Variants in ISG20 observed in about 807,000 individuals in gnomAD.
ISG20 encodes the protein interferon stimulated exonuclease gene 20, also known as interferon-stimulated gene 20 kDa protein.
ISG20 carries 8 observed loss-of-function variants against 11.1 expected under a neutral mutation model. The ratio of observed to expected loss-of-function variants is 0.72; its 90% CI spans 0.42 to 1.30. ISG20 has a LOEUF of 1.30. Among genes scored for constraint, ISG20 ranks in the 50% most tolerant of loss-of-function variants. ISG20 has a pLI of 0.01. For synonymous variants in ISG20, 110 were observed against 101.7 expected (o/e 1.08, Z -0.49); for missense variants, 243 against 250.2 (o/e 0.97, Z 0.19).
chr15:88,642,516 G>T (rs1364121927), intron 2 of ISG20, among the ~76,000 whole-genome samples: 4 of 152,226 alleles, frequency 2.6e-5, no homozygotes, highest in African/African-American at 9.6e-5. Context: ...ATGCTGTCCA[G>T]TGGGGTCCCC....
intron 3 of ISG20, among the ~76,000 whole-genome samples, chr15:88,654,109 G>A (rs1221160711): frequency 1.3e-5 from 2 of 152,104 alleles, no homozygotes; most frequent in East Asian, 1.9e-4. Context: ...TTCCAAATCC[G>A]GGGCTCTTTA....
Position 88,639,134 on chromosome 15 carries a change from C to A in ISG20, c.-25+58C>A. ...GGCAGCGGGAGGGGCCTTCCCGGTC[C>A]CCAGGCTGCGGGGCAGGCCAGAGGC... On this transcript the variant is annotated intron_variant, in intron 1 of 3. Coordinates refer to ENST00000306072, the MANE Select transcript of ISG20 (RefSeq NM_002201.6). This position sits in a 1 kb window ranked among gnomAD's most constrained non-coding sequence, Gnocchi z 4.2. 1.8e-6 allele frequency: 1 copy of A among 568,292 alleles called. No homozygotes were observed. Among genetic ancestry groups the A allele is most frequent in the Non-Finnish European group, 3.1e-6 (1 of 320,508 alleles). 35.2% of individuals were successfully genotyped at this position (568,292 alleles called of 1,614,324 possible).
At position 88,652,234 on chromosome 15, in the gene ISG20, G is replaced by A. The variant is rs549880749; in HGVS notation, c.353G>A (p.Arg118His). 1.5e-5 allele frequency: 25 copies of A among 1,613,870 alleles called. No homozygotes were observed. In the East Asian group the frequency reaches 1.8e-4, roughly 12 times the overall value. ...ACGTCCACTGACAGGCTGTTGTGGC[G>A]TGAGGCCAAGCTGGACCACTGCAGG... ...YDTSTDRLLW[R>H]EAKLDHCRRV... Residue 118 changes from arginine (R) to histidine (H), a missense_variant, in exon 3 of 4, where the codon CGT (arginine) becomes CAT (histidine). Coordinates refer to ENST00000306072, the MANE Select transcript of ISG20 (RefSeq NM_002201.6).
chr15:88,647,157 AG>A (rs2058190479), intron 2 of ISG20: 1 of 152,436 alleles, frequency 6.6e-6, no homozygotes, highest in South Asian at 2.1e-4. Context: ...CCAGCAATCA[AG>A]TAGCCCATGG....
chr15:88,652,011 TCA>T (rs1267284808), intron 2 of ISG20, 97 bp from the exon 3 acceptor site: 1 of 1,564,142 alleles, frequency 6.4e-7, no homozygotes, highest in African/African-American at 1.4e-5. Context: ...TTGCCCAAGG[TCA>T]CACAGCCAGT....
chr15:88,636,399 A>G (rs565954211), upstream of ISG20: 1 of 152,192 alleles, frequency 6.6e-6, no homozygotes, highest in Non-Finnish European at 1.5e-5. Context: ...CACTTGAAAA[A>G]CAGTTCAGCT....
rs1427125149 is a variant in ISG20, at chr15:88,643,271, T to G, written c.228+3677T>G. Among the ~76,000 whole-genome samples, 1 of 152,124 alleles carries G rather than the reference T, an allele frequency of 6.6e-6. No homozygotes were observed. Among genetic ancestry groups the G allele is most frequent in the Non-Finnish European group, 1.5e-5 (1 of 68,020 alleles). On this transcript the variant is annotated intron_variant, in intron 2 of 3. Coordinates refer to ENST00000306072, the MANE Select transcript of ISG20 (RefSeq NM_002201.6). This position sits in a 1 kb window ranked among gnomAD's most constrained non-coding sequence, Gnocchi z 4.4. The stretch of plus-strand genomic sequence containing the variant: ...ATAATTAAAATATTAAAAAGAGCCA[T>G]AAAATGTCTCAATAACTTTTATATT...
chr15:88,646,474 T>C (rs1282478502), intron 2 of ISG20, among the ~76,000 whole-genome samples: 1 of 152,166 alleles, frequency 6.6e-6, no homozygotes, highest in Non-Finnish European at 1.5e-5. Flanking sequence ...CCAATGTATG[T>C]AAGGGGCGAG....
In ISG20 at chr15:88,639,718, G is replaced by T. The variant is rs2058049374; in HGVS notation, c.228+124G>T. The stretch of plus-strand genomic sequence containing the variant: ...TTGTAAGATTTCCCACACTGCTGTT[G>T]GGAGAAAGCCGGTGGTGTCTCCATC... On this transcript the variant is annotated intron_variant, in intron 2 of 3. Coordinates refer to ENST00000306072, the MANE Select transcript of ISG20 (RefSeq NM_002201.6). This position sits in a 1 kb window ranked among gnomAD's most constrained non-coding sequence, Gnocchi z 4.2. 6.9e-6 allele frequency: 5 copies of T among 722,022 alleles called. No individual in the cohort carries two copies. The East Asian group carries it at 1.3e-4, about 19-fold the overall frequency. 44.7% of individuals were successfully genotyped at this position (722,022 alleles called of 1,614,324 possible).
rs1243819982 is a variant in ISG20, at chr15:88,643,914, T to C, written c.228+4320T>C. Among the ~76,000 whole-genome samples the C allele has an allele frequency of 1.3e-5, 2 of 152,222 alleles. No homozygotes were observed. Among genetic ancestry groups the C allele is most frequent in the Non-Finnish European group, 2.9e-5 (2 of 68,050 alleles). ...TTTGAAAATCTGAAATTTGAAATGTTCCAATGAGCATTTCCTTTGAGCGTC... is the reference window on the plus strand; with the variant it reads ...TTTGAAAATCTGAAATTTGAAATGTCCCAATGAGCATTTCCTTTGAGCGTC... On this transcript the variant is annotated intron_variant, in intron 2 of 3. Coordinates refer to ENST00000306072, the MANE Select transcript of ISG20 (RefSeq NM_002201.6). The surrounding 1 kb of genome is among the most constrained non-coding windows in gnomAD (Gnocchi z 4.4).
At chr15:88,655,330 T>G (rs2058356265) in intron 3 of ISG20, 85 bp from the exon 4 acceptor site, 1 of 1,244,658 alleles carries the variant, frequency 8.0e-7, no homozygotes, top group Non-Finnish European at 1.2e-6. Context: ...ACTCTGGAAA[T>G]CGGGATGTGA....
In ISG20 at chr15:88,650,343, G is replaced by A. The variant is rs1470706676; in HGVS notation, c.229-1767G>A. On this transcript the variant is annotated intron_variant, in intron 2 of 3. Transcript: ENST00000306072. The surrounding 1 kb of genome is among the most constrained non-coding windows in gnomAD (Gnocchi z 4.0). ...GTGGGAGGCGAGGCGAGGAACGCGGGGCTGGGGCAGTCACAGCTGGGCGCC... is the reference window on the plus strand; with the variant it reads ...GTGGGAGGCGAGGCGAGGAACGCGGAGCTGGGGCAGTCACAGCTGGGCGCC... 3.9e-6 allele frequency: 6 copies of A among 1,535,128 alleles called. No homozygotes were observed. In the East Asian group the frequency reaches 7.3e-5, roughly 19 times the overall value.
In ISG20 at chr15:88,643,063, A is replaced by T. The variant is rs1293090636; in HGVS notation, c.228+3469A>T. 2.0e-5 allele frequency among the ~76,000 whole-genome samples: 3 copies of T among 151,884 alleles called. No individual in the cohort carries two copies. Among genetic ancestry groups the T allele is most frequent in the African/African-American group, 7.3e-5 (3 of 41,320 alleles). On this transcript the variant is annotated intron_variant, in intron 2 of 3. Coordinates refer to ENST00000306072, the MANE Select transcript of ISG20 (RefSeq NM_002201.6). The surrounding 1 kb of genome is among the most constrained non-coding windows in gnomAD (Gnocchi z 4.4). ...AGATGGTGAGATCTCCTCTACAAAAAAAATAAATAAATAAAATAAAAATTA... is the reference window on the plus strand; with the variant it reads ...AGATGGTGAGATCTCCTCTACAAAATAAATAAATAAATAAAATAAAAATTA...
At chr15:88,637,515 G>A (rs4491485), upstream of ISG20, 123,804 of 152,100 alleles carry the variant, frequency 0.81, 51,741 homozygotes, top group Non-Finnish European at 0.91. Flanking sequence ...TCCTGCGGCC[G>A]CACAGGCCAG....
chr15:88,651,257 A>T, intron 2 of ISG20: 3 of 985,444 alleles, frequency 3.0e-6, no homozygotes, highest in South Asian at 4.7e-5. Context: ...TTTCCTTTGT[A>T]AAACTCAGTT....
Position 88,655,541 on chromosome 15 carries a change from C to T in ISG20, c.*10C>T, listed in dbSNP as rs772745066. 3.1e-6 allele frequency: 5 copies of T among 1,608,210 alleles called. No homozygotes were observed. Among genetic ancestry groups the T allele is most frequent in the Non-Finnish European group, 4.3e-6 (5 of 1,175,532 alleles). ...GGCTGTGTCAGACTGAAGCCCCATC[C>T]AGCCCGTTCCGCAGGGACTAGAGGC... On this transcript the variant is annotated 3_prime_UTR_variant, in exon 4 of 4. Coordinates refer to ENST00000306072, the MANE Select transcript of ISG20 (RefSeq NM_002201.6).
upstream of ISG20, among the ~76,000 whole-genome samples, chr15:88,637,077 GTC>G (rs2057995956): frequency 1.3e-5 from 2 of 152,298 alleles, no homozygotes; most frequent in South Asian, 4.1e-4. Context: ...AGCACTTCCT[GTC>G]TCTTCCACCT....
chr15:88,640,995 A>T (rs575973029), intron 2 of ISG20, among the ~76,000 whole-genome samples: 22 of 150,726 alleles, frequency 1.5e-4, no homozygotes, highest in Non-Finnish European at 3.1e-4. Flanking sequence ...TGTCTGTTTT[A>T]TTATTATTTT....
rs765687163 is a variant in ISG20, at chr15:88,655,728, G to A, written c.*197G>A. ...GACCCATTTCTGTGTGATGTTAGGA[G>A]GGAATGAAGTCTTATGCTGGGGAGG... On this transcript the variant is annotated 3_prime_UTR_variant, in exon 4 of 4. Coordinates refer to ENST00000306072, the MANE Select transcript of ISG20 (RefSeq NM_002201.6). 1.8e-5 allele frequency: 9 copies of A among 500,742 alleles called. No homozygotes were observed. Among genetic ancestry groups the A allele is most frequent in the East Asian group, 3.5e-5 (1 of 28,178 alleles). The allele number at this position is 500,742 out of a possible 1,614,324, so 31.0% of individuals were successfully genotyped here. A position where few individuals can be genotyped will look rare whatever the true frequency, so the allele number is the denominator to read the frequency against.
Sources: allele counts gnomAD v4.1 joint callset (sites outside exome capture counted in the v4.1 genomes callset), GRCh38; gene constraint gnomAD v4.1.1; non-coding constraint Gnocchi (gnomAD v3.1); transcripts MANE v1.5; gene names NCBI Gene and HGNC (gene_info 2026-07-23, HGNC 2026-07-21).